Variants in LCP1 observed in about 807,000 individuals in gnomAD.
The protein encoded by LCP1 is lymphocyte cytosolic protein 1, also known as plastin-2.
In LCP1, 23 loss-of-function variants were observed where a neutral mutation model predicts 72.0. The observed-to-expected ratio is 0.32, with a 90% CI of 0.23 to 0.45. LCP1 has a LOEUF of 0.45. LCP1 is among the 20% of genes least tolerant of loss of function. LCP1 has a pLI of 1.00. For synonymous variants in LCP1, 245 were observed against 275.4 expected, an observed-to-expected ratio of 0.89 and a Z score of 1.09; for missense variants, 571 against 748.3, an observed-to-expected ratio of 0.76 and a Z score of 2.76.
chr13:46,135,124 G>GA (rs554047551), intron 13 of LCP1, among the ~76,000 whole-genome samples: 44 of 116,356 alleles, frequency 3.8e-4, no homozygotes, highest in South Asian at 5.6e-4. Context: ...AAAAAAAAAA[G>GA]AAAAAAAAAA....
chr13:46,170,571 G>A (rs2045900232), intron 1 of LCP1, among the ~76,000 whole-genome samples: 1 of 152,094 alleles, frequency 6.6e-6, no homozygotes, highest in Admixed American at 6.5e-5. Context: ...AAACCCACCT[G>A]GGATGCACAT....
chr13:46,180,907 T>C (rs949180958), intron 1 of LCP1, among the ~76,000 whole-genome samples: 2 of 152,236 alleles, frequency 1.3e-5, no homozygotes, highest in Non-Finnish European at 2.9e-5. Context: ...TTTTTGCTTG[T>C]TTGAAACTAT....
Position 46,148,353 on chromosome 13 carries a change from C to T in LCP1, c.977G>A (p.Arg326Gln), listed in dbSNP as rs200324988. The T allele has an allele frequency of 7.5e-5, 121 of 1,610,532 alleles. 1 individual carries two copies. Among genetic ancestry groups the T allele is most frequent in the South Asian group, 3.3e-5 (3 of 90,978 alleles). Residue 326 changes from arginine to glutamine, a missense_variant and splice_region_variant, in exon 9 of 16, where the codon CGG becomes CAG. Coordinates refer to ENST00000323076, the MANE Select transcript of LCP1 (RefSeq NM_002298.5). ...PAVVIDMSGL[R>Q]EKDDIQRAEC... The stretch of plus-strand genomic sequence containing the variant: ...AACACAACTGGGACCTGGCCTTACC[C>T]GCAGTCCTGACATGTCAATAACAAC...
intron 1 of LCP1, among the ~76,000 whole-genome samples, chr13:46,172,655 C>G (rs374506688): frequency 3.9e-5 from 6 of 152,162 alleles, no homozygotes; most frequent in East Asian, 1.9e-4. Context: ...GCTGCTCGTT[C>G]TCACTAGCTC....
Position 46,143,159 on chromosome 13 carries a change from T to G in LCP1, c.1368+131A>C, listed in dbSNP as rs1052474045. The G allele has an allele frequency of 2.8e-5, 17 of 607,938 alleles. No homozygotes were observed. In the African/African-American group the frequency reaches 3.0e-4, roughly 11 times the overall value. 37.7% of individuals were successfully genotyped at this position (607,938 alleles called of 1,614,324 possible). On this transcript the variant is annotated intron_variant, in intron 12 of 15. Coordinates refer to ENST00000323076, the MANE Select transcript of LCP1 (RefSeq NM_002298.5). ...TAATAAAGCTGTTCAGGTTTCTGAT[T>G]GCTGTACTAGAATTTAATTTCTGGA...
At chr13:46,143,205 T>C in intron 12 of LCP1, 85 bp downstream of exon 12, 1 of 831,314 alleles carries the variant, frequency 1.2e-6, no homozygotes, top group Non-Finnish European at 2.0e-6. Flanking sequence ...TTGTCTACGT[T>C]TGGCTGCCTT....
chr13:46,147,821 A>G (rs999888326), intron 9 of LCP1, among the ~76,000 whole-genome samples: 2 of 152,188 alleles, frequency 1.3e-5, no homozygotes, highest in African/African-American at 4.8e-5. Context: ...TTCAGAAAAC[A>G]AAACTTTAAA....
At chr13:46,149,852 G>A (rs1193330198) in intron 8 of LCP1, among the ~76,000 whole-genome samples, 1 of 152,220 alleles carries the variant, frequency 6.6e-6, no homozygotes, top group Non-Finnish European at 1.5e-5. Context: ...TAACTGTTGA[G>A]CACAAAGGGA....
At chr13:46,154,976 C>A in intron 5 of LCP1, 90 bp from the exon 6 acceptor site, 2 of 929,936 alleles carry the variant, frequency 2.2e-6, no homozygotes, top group South Asian at 1.4e-5. Flanking sequence ...ATACCATAAT[C>A]AAAGAAGATA....
chr13:46,132,826 A>G (rs2138218139), intron 14 of LCP1, among the ~76,000 whole-genome samples: 1 of 152,226 alleles, frequency 6.6e-6, no homozygotes, highest in African/African-American at 2.4e-5. Flanking sequence ...TGCCCTGACA[A>G]TATCTTCTGC....
intron 1 of LCP1, among the ~76,000 whole-genome samples, chr13:46,162,670 C>G (rs1218231996): frequency 6.6e-6 from 1 of 152,144 alleles, no homozygotes; most frequent in African/African-American, 2.4e-5. Context: ...CTCCCAGCCG[C>G]CTGCCTTGGC....
chr13:46,143,281 A>G lies in LCP1; in HGVS notation c.1368+9T>C, dbSNP rs2045709128. ...TGTCTCCTGGAACAACAGAACCATC[A>G]TTGTTTACCTTCTTCATATTGCCTC... On this transcript the variant is annotated intron_variant, in intron 12 of 15. Coordinates refer to ENST00000323076, the MANE Select transcript of LCP1 (RefSeq NM_002298.5). 6.3e-7 allele frequency: 1 copy of G among 1,587,668 alleles called. No individual in the cohort carries two copies. The highest frequency in any genetic ancestry group is 1.1e-5 in the South Asian group (1 of 90,540).
chr13:46,143,269 A>G (rs778171694), intron 12 of LCP1, 21 bp downstream of exon 12: 5 of 1,557,094 alleles, frequency 3.2e-6, no homozygotes, highest in Non-Finnish European at 1.8e-6. Context: ...CTCCTGGAAC[A>G]ACAGAACCAT....
chr13:46,127,919 C>T (rs375277261), intron 15 of LCP1, among the ~76,000 whole-genome samples, 196 bp from the exon 16 acceptor site: 3 of 152,214 alleles, frequency 2.0e-5, no homozygotes, highest in African/African-American at 7.2e-5. Context: ...AAGCATCAGA[C>T]TTGCTGGCTA....
intron 13 of LCP1, among the ~76,000 whole-genome samples, chr13:46,134,813 C>T (rs2045654174): frequency 6.6e-6 from 1 of 151,914 alleles, no homozygotes; most frequent in Non-Finnish European, 1.5e-5. Context: ...AGGCTTTAAC[C>T]TCTTAAAATT....
rs149634075 is a variant in LCP1, at chr13:46,151,028, G to T, written c.790C>A (p.Leu264Ile). The change falls in exon 8 of 16, where the codon CTC (leucine) becomes ATC (isoleucine). Residue 264 changes from leucine (L) to isoleucine (I), a missense_variant. Physicochemically the swap from Leu to Ile is conservative, Grantham distance 5 (BLOSUM62 2). Coordinates refer to ENST00000323076, the MANE Select transcript of LCP1 (RefSeq NM_002298.5). ...EGESLEDLMK[L>I]SPEELLLRWA... ...CTCAGCAAGAGCTCTTCAGGGGAGA[G>T]TTTCATCAAATCCTCCAGGCTCTCA... 3.7e-5 allele frequency: 59 copies of T among 1,613,850 alleles called. No homozygotes were observed. The highest frequency in any genetic ancestry group is 5.0e-5 in the Non-Finnish European group (59 of 1,179,944).
At chr13:46,144,866 T>A (rs1267132177) in intron 10 of LCP1, among the ~76,000 whole-genome samples, 1 of 152,164 alleles carries the variant, frequency 6.6e-6, no homozygotes, top group African/African-American at 2.4e-5. Flanking sequence ...GAGGTAGATA[T>A]ATTTGTTATT....
chr13:46,163,115 CCG>C (rs1237012712), intron 1 of LCP1, among the ~76,000 whole-genome samples: 1 of 152,216 alleles, frequency 6.6e-6, no homozygotes, highest in Non-Finnish European at 1.5e-5. Context: ...CTCTGCCCGG[CCG>C]CCACCCCGTC....
rs892900301 is a variant in LCP1 at position 46,158,840 on chromosome 13, C to A, written c.214G>T (p.Asp72Tyr). Reference sequence around the variant, plus strand: ...ATGGTACTCACCTTGATAAACTCATCAAAGCTGATCCTTCCATCTTGGTCC... The same window carrying A: ...ATGGTACTCACCTTGATAAACTCATAAAAGCTGATCCTTCCATCTTGGTCC... The part of the protein sequence containing the change: ...DLDQDGRISF[D>Y]EFIKIFHGLK... The change falls in exon 3 of 16, where the codon GAT (aspartate) becomes TAT (tyrosine). Residue 72 changes from aspartate to tyrosine, a missense_variant. Transcript: ENST00000323076. 1.9e-6 allele frequency: 3 copies of A among 1,614,022 alleles called. No individual in the cohort carries two copies. The African/African-American group carries it at 4.0e-5, about 22-fold the overall frequency.
Sources: allele counts gnomAD v4.1 joint callset (sites outside exome capture counted in the v4.1 genomes callset), GRCh38; gene constraint gnomAD v4.1.1; transcripts MANE v1.5; gene names NCBI Gene and HGNC (gene_info 2026-07-23, HGNC 2026-07-21).